The following CACNB2 variants were observed in gnomAD, a reference collection of about 807,000 sequenced individuals.
CACNB2 encodes calcium voltage-gated channel auxiliary subunit beta 2.
In CACNB2, 42 loss-of-function variants were observed where a neutral mutation model predicts 73.3. The ratio of observed to expected loss-of-function variants is 0.57; its 90% confidence interval spans 0.45 to 0.74. The LOEUF is 0.74. CACNB2 is among the 30% of genes least tolerant of loss of function. CACNB2 has a pLI of 0.00. For missense variants in CACNB2, 940 were observed against 853.0 expected (o/e 1.10, Z -1.27); for synonymous variants, 348 against 310.3 (o/e 1.12, Z -1.28).
chr10:18,280,676 C>A (rs902750950), intron 2 of CACNB2, among the ~76,000 whole-genome samples: 5 of 152,200 alleles, frequency 3.3e-5, no homozygotes, highest in African/African-American at 1.2e-4. Context: ...CACTACCAGT[C>A]AGTACCTTTA....
chr10:18,488,910 G>A (rs186078816), intron 3 of CACNB2, among the ~76,000 whole-genome samples: 1 of 152,220 alleles, frequency 6.6e-6, no homozygotes, highest in African/African-American at 2.4e-5. Flanking sequence ...GGGTACGGTG[G>A]CTCATGCCTG....
At chr10:18,318,091 C>G (rs111562654) in intron 2 of CACNB2, among the ~76,000 whole-genome samples, 7 of 152,158 alleles carry the variant, frequency 4.6e-5, no homozygotes, top group African/African-American at 1.7e-4. Flanking sequence ...ATCAAACTAC[C>G]ATTGACTTTC....
At chr10:18,369,984 C>T (rs192687267) in intron 2 of CACNB2, among the ~76,000 whole-genome samples, 1 of 152,196 alleles carries the variant, frequency 6.6e-6, no homozygotes, top group Admixed American at 6.5e-5. Context: ...TGATAAATGA[C>T]CTGCCAACCT....
At chr10:18,453,830 C>T (rs1454852755) in intron 3 of CACNB2, among the ~76,000 whole-genome samples, 1 of 152,102 alleles carries the variant, frequency 6.6e-6, no homozygotes, top group Non-Finnish European at 1.5e-5. Context: ...CAGGTTTCAC[C>T]CTGTTGGCCA....
chr10:18,349,425 A>G (rs1032388724), intron 2 of CACNB2, among the ~76,000 whole-genome samples: 4 of 152,232 alleles, frequency 2.6e-5, no homozygotes, highest in Admixed American at 2.6e-4. Flanking sequence ...TTGATGCAGT[A>G]TCTGCTTTTA....
At chr10:18,404,454 G>C (rs899830533) in intron 3 of CACNB2, among the ~76,000 whole-genome samples, 18 of 152,198 alleles carry the variant, frequency 1.2e-4, no homozygotes, top group African/African-American at 2.4e-4. Context: ...CAAAATGAAG[G>C]CTTAAAGTTT....
Position 18,542,802 on chromosome 10 carries a change from A to G in CACNB2, c.*3078A>G, listed in dbSNP as rs2054120486. On this transcript the variant is annotated 3_prime_UTR_variant, in exon 14 of 14. Coordinates refer to ENST00000324631, the MANE Select transcript of CACNB2 (RefSeq NM_201596.3). The stretch of plus-strand genomic sequence containing the variant: ...TAAAGTTACAGTCTTTTCACACAAC[A>G]AAGGCTTAACCTTAACCTACTCAGT... 2 of 152,202 alleles carry G rather than the reference A, an allele frequency of 1.3e-5. No homozygotes were observed. Among genetic ancestry groups the G allele is most frequent in the Non-Finnish European group, 2.9e-5 (2 of 68,038 alleles). 9.4% of individuals were successfully genotyped at this position (152,202 alleles called of 1,614,324 possible). A position where few individuals can be genotyped will look rare whatever the true frequency, so the allele number is the denominator to read the frequency against.
chr10:18,451,968 G>T (rs1453040945), intron 3 of CACNB2, among the ~76,000 whole-genome samples: 1 of 152,062 alleles, frequency 6.6e-6, no homozygotes, highest in Non-Finnish European at 1.5e-5. Context: ...GGTTGCCAAG[G>T]GTAAAAGAGG....
chr10:18,226,327 G>A (rs972848078), intron 2 of CACNB2, among the ~76,000 whole-genome samples: 5 of 152,144 alleles, frequency 3.3e-5, no homozygotes, highest in African/African-American at 2.4e-5. Context: ...GCCCCCAGAC[G>A]GATGGTTTTA....
At chr10:18,458,211 A>T (rs1304896445) in intron 3 of CACNB2, among the ~76,000 whole-genome samples, 1 of 152,266 alleles carries the variant, frequency 6.6e-6, no homozygotes, top group East Asian at 1.9e-4. Context: ...TTTCTGTTGC[A>T]AATGAATTCA....
At chr10:18,339,500 A>G (rs186993289) in intron 2 of CACNB2, among the ~76,000 whole-genome samples, 7 of 152,248 alleles carry the variant, frequency 4.6e-5, no homozygotes, top group African/African-American at 1.7e-4. Context: ...CAGCCCGGGC[A>G]ACACAGCAAG....
intron 6 of CACNB2, among the ~76,000 whole-genome samples, chr10:18,508,792 T>C (rs1339021267): frequency 6.6e-6 from 1 of 152,234 alleles, no homozygotes; most frequent in Non-Finnish European, 1.5e-5. Flanking sequence ...CCTTGACTTA[T>C]GATAAGGTTA....
In CACNB2 at chr10:18,150,858, T is replaced by TTTTTTTTTTTTTTTTC. The variant is rs1302425223; in HGVS notation, c.121-10_121-9insCTTTTTTTTTTTTTTT. 30 of 607,690 alleles carry TTTTTTTTTTTTTTTTC rather than the reference T, an allele frequency of 4.9e-5. 4 individuals are homozygous for TTTTTTTTTTTTTTTTC. In the African/African-American group the frequency reaches 7.8e-4, roughly 16 times the overall value. The allele number at this position is 607,690 out of a possible 1,614,324, so 37.6% of individuals were successfully genotyped here. Reference sequence around the variant, plus strand: ...GTCTCATAATAATCTTATTTGTCTTTTTTTTTTTTTTTTTTTTTTTTTAGT... The same window carrying TTTTTTTTTTTTTTTTC: ...GTCTCATAATAATCTTATTTGTCTTTTTTTTTTTTTTTTTTCTTTTTTTTTTTTTTTTTTTTTTAGT... On this transcript the variant is annotated intron_variant, in intron 1 of 13. Transcript: ENST00000324631.
chr10:18,298,114 A>G, intron 2 of CACNB2, among the ~76,000 whole-genome samples: 1 of 152,212 alleles, frequency 6.6e-6, no homozygotes, highest in Non-Finnish European at 1.5e-5. Context: ...CACGCCTGTA[A>G]TCCTAGCACT....
chr10:18,316,891 A>T (rs997197918), intron 2 of CACNB2, among the ~76,000 whole-genome samples: 7 of 152,188 alleles, frequency 4.6e-5, no homozygotes, highest in Admixed American at 2.0e-4. Context: ...AGACCTTGCC[A>T]ACTTACTTCA....
At position 18,150,882 on chromosome 10, in the gene CACNB2, G is replaced by GT; in HGVS notation, c.121dup (p.Ser41PhefsTer13). On this transcript the variant is annotated frameshift_variant and splice_region_variant. Coordinates refer to ENST00000324631, the MANE Select transcript of CACNB2 (RefSeq NM_201596.3). LOFTEE classifies it high-confidence loss of function. The stretch of plus-strand genomic sequence containing the variant: ...TTTTTTTTTTTTTTTTTTTTTTTTA[G>GT]TCATATGGAAAAGGAGCCAGAAGGA... 2 of 320,542 alleles carry GT rather than the reference G, an allele frequency of 6.2e-6. No homozygotes were observed. The highest frequency in any genetic ancestry group is 9.3e-6 in the Non-Finnish European group (2 of 216,104). The allele number at this position is 320,542 out of a possible 1,614,324, so 19.9% of individuals were successfully genotyped here. A position where few individuals can be genotyped will look rare whatever the true frequency, so the allele number is the denominator to read the frequency against.
rs1222611916 is a variant in CACNB2, at chr10:18,494,587, G to A, written c.334-3768G>A. Reference sequence around the variant, plus strand: ...GCGGAGTTTGCAGTGAGCCGAGATCGTGCCATTGCACTCCAGCCTGGGTGA... The same window carrying A: ...GCGGAGTTTGCAGTGAGCCGAGATCATGCCATTGCACTCCAGCCTGGGTGA... On this transcript the variant is annotated intron_variant, in intron 3 of 13. Transcript: ENST00000324631. Among the ~76,000 whole-genome samples the A allele has an allele frequency of 3.0e-4, 44 of 148,742 alleles. 1 individual carries two copies. In the East Asian group the frequency reaches 7.5e-3, roughly 25 times the overall value.
At chr10:18,412,712 T>A (rs1178115469) in intron 3 of CACNB2, among the ~76,000 whole-genome samples, 1 of 152,260 alleles carries the variant, frequency 6.6e-6, no homozygotes, top group African/African-American at 2.4e-5. Flanking sequence ...GTCTCTTCTG[T>A]TTCGACTTTT....
intron 2 of CACNB2, among the ~76,000 whole-genome samples, chr10:18,358,547 T>G (rs1589132674): frequency 1.5e-4 from 4 of 26,920 alleles, no homozygotes; most frequent in Non-Finnish European, 3.2e-4. Flanking sequence ...TCTCTCTCTC[T>G]CTCTCGCTCT....
Sources: allele counts gnomAD v4.1 joint callset (sites outside exome capture counted in the v4.1 genomes callset), GRCh38; gene constraint gnomAD v4.1.1; transcripts MANE v1.5; gene names NCBI Gene and HGNC (gene_info 2026-07-23, HGNC 2026-07-21).